DCC: variants seen among roughly 807,000 people sequenced by gnomAD.
DCC encodes the protein netrin receptor DCC.
A neutral mutation model predicts 172.5 loss-of-function variants in DCC; 58 were observed. The ratio of observed to expected loss-of-function variants is 0.34; its 90% CI spans 0.27 to 0.42. DCC has a LOEUF of 0.42. Among genes scored for constraint, DCC ranks in the 10% least tolerant of loss-of-function variants. The pLI is 1.00. For missense variants in DCC, 1,740 were observed against 1,791.0 expected (o/e 0.97, Z 0.51); for synonymous variants, 709 against 644.5 (o/e 1.10, Z -1.52).
chr18:52,646,662 T>G (rs971015984), intron 1 of DCC, among the ~76,000 whole-genome samples: 1 of 152,108 alleles, frequency 6.6e-6, no homozygotes, highest in Non-Finnish European at 1.5e-5. Flanking sequence ...TTATAAAAGA[T>G]AAAGATGAAT....
chr18:52,877,262 C>T lies in DCC; in HGVS notation c.413-28782C>T, dbSNP rs566830593. On this transcript the variant is annotated intron_variant, in intron 2 of 28. Coordinates refer to ENST00000442544, the MANE Select transcript of DCC (RefSeq NM_005215.4). ...CCACTTACCAAACACCTATTACAAG[C>T]CCGTCCCTTGTTGTCACAACTGAAA... Among the ~76,000 whole-genome samples the T allele has an allele frequency of 3.3e-5, 5 of 152,232 alleles. No homozygotes were observed. In the East Asian group the frequency reaches 9.7e-4, roughly 29 times the overall value.
chr18:53,114,496 A>G (rs1345664997), intron 7 of DCC, among the ~76,000 whole-genome samples: 1 of 151,592 alleles, frequency 6.6e-6, no homozygotes, highest in Non-Finnish European at 1.5e-5. Flanking sequence ...TAGCTTCAGC[A>G]TATTTTAAAA....
chr18:52,569,813 G>GA (rs2033251027), intron 1 of DCC, among the ~76,000 whole-genome samples: 1 of 152,144 alleles, frequency 6.6e-6, no homozygotes, highest in Non-Finnish European at 1.5e-5. Flanking sequence ...TGTGGGCTAT[G>GA]AAAAATATAA....
chr18:52,621,161 T>C (rs1895366411), intron 1 of DCC, among the ~76,000 whole-genome samples: 1 of 152,260 alleles, frequency 6.6e-6, no homozygotes, highest in African/African-American at 2.4e-5. Flanking sequence ...CTGCTTTTTA[T>C]GTTTAACTTG....
intron 5 of DCC, among the ~76,000 whole-genome samples, chr18:53,010,925 A>T (rs913059923): frequency 6.6e-6 from 1 of 151,232 alleles, no homozygotes; most frequent in African/African-American, 2.4e-5. Flanking sequence ...TATCATAATT[A>T]TTTTAGGGTA....
chr18:52,549,088 G>A (rs1000684634), intron 1 of DCC, among the ~76,000 whole-genome samples: 9 of 151,712 alleles, frequency 5.9e-5, no homozygotes, highest in African/African-American at 2.2e-4. Context: ...TTCTGATATG[G>A]GACTCTGAAT....
intron 3 of DCC, among the ~76,000 whole-genome samples, chr18:52,914,734 C>G (rs1281141039): frequency 6.6e-6 from 1 of 152,062 alleles, no homozygotes; most frequent in Non-Finnish European, 1.5e-5. Context: ...GCTCACGGTA[C>G]CTGCTGAATA....
At chr18:53,397,192 C>A in intron 17 of DCC, 116 bp from the exon 18 acceptor site, 2 of 917,200 alleles carry the variant, frequency 2.2e-6, no homozygotes, top group Non-Finnish European at 3.5e-6. Context: ...TACTCCTCTG[C>A]TGTTTGGGAG....
At chr18:53,118,301 T>C (rs987929935) in intron 7 of DCC, among the ~76,000 whole-genome samples, 1 of 151,828 alleles carries the variant, frequency 6.6e-6, no homozygotes, top group African/African-American at 2.4e-5. Flanking sequence ...AATTGTAATA[T>C]ATATTTTGAC....
chr18:52,896,169 C>T (rs915307167), intron 2 of DCC, among the ~76,000 whole-genome samples: 2 of 152,132 alleles, frequency 1.3e-5, no homozygotes, highest in Non-Finnish European at 2.9e-5. Flanking sequence ...TGTTAATTAT[C>T]ATTTTAAGAG....
chr18:52,345,299 G>T (rs73955611), intron 1 of DCC, among the ~76,000 whole-genome samples: 1 of 152,124 alleles, frequency 6.6e-6, no homozygotes, highest in Admixed American at 6.5e-5. Context: ...GAAAAGTACT[G>T]TACTCCCTAA....
At chr18:52,659,887 C>T (rs989000595) in intron 1 of DCC, among the ~76,000 whole-genome samples, 1 of 151,940 alleles carries the variant, frequency 6.6e-6, no homozygotes, top group Non-Finnish European at 1.5e-5. Context: ...AGGATTATAA[C>T]ATTCATATAG....
At chr18:53,250,013 G>C (rs1463120686) in intron 12 of DCC, among the ~76,000 whole-genome samples, 3 of 151,954 alleles carry the variant, frequency 2.0e-5, no homozygotes, top group South Asian at 2.1e-4. Context: ...TGAAAATAAG[G>C]CTCTTCGTGA....
chr18:53,530,566 G>A lies in DCC; in HGVS notation c.4257G>A (p.Val1419=), dbSNP rs147285034. ...CTTGGCTCTCATTCTCTTTATAGGT[G>A]TATGAACAGGATGATCTGAGTGAAC... ...SHKPTEDSAN[V]YEQDDLSEQM... is the part of the protein sequence containing the mutation. Residue 1419 remains valine, a splice_region_variant and synonymous_variant, in exon 29 of 29, where the codon GTG becomes GTA. Coordinates refer to ENST00000442544, the MANE Select transcript of DCC (RefSeq NM_005215.4). 1.4e-4 allele frequency: 218 copies of A among 1,528,014 alleles called. No individual in the cohort carries two copies. The highest frequency in any genetic ancestry group is 1.9e-4 in the Non-Finnish European group (207 of 1,101,788). 94.7% of individuals were successfully genotyped at this position (1,528,014 alleles called of 1,614,324 possible). A position where few individuals can be genotyped will look rare whatever the true frequency, so the allele number is the denominator to read the frequency against.
At chr18:52,814,115 C>T (rs530416567) in intron 2 of DCC, among the ~76,000 whole-genome samples, 1 of 152,186 alleles carries the variant, frequency 6.6e-6, no homozygotes, top group African/African-American at 2.4e-5. Flanking sequence ...GTACCCTGTT[C>T]TTTCATTCTC....
At chr18:52,995,133 A>G (rs1454427876) in intron 5 of DCC, among the ~76,000 whole-genome samples, 1 of 152,166 alleles carries the variant, frequency 6.6e-6, no homozygotes, top group East Asian at 1.9e-4. Flanking sequence ...ACATGAATTT[A>G]ATAGGTTATC....
At chr18:52,632,738 C>T (rs1173323730) in intron 1 of DCC, among the ~76,000 whole-genome samples, 1 of 152,172 alleles carries the variant, frequency 6.6e-6, no homozygotes, top group Non-Finnish European at 1.5e-5. Context: ...TGCTAATGAT[C>T]CTTATAACTG....
intron 27 of DCC, among the ~76,000 whole-genome samples, chr18:53,512,893 T>A (rs1219986360): frequency 6.6e-6 from 1 of 152,152 alleles, no homozygotes; most frequent in Admixed American, 6.5e-5. Flanking sequence ...CTCTGCAGGA[T>A]ATTATCCAGG....
At chr18:53,182,515 A>G (rs1196564457) in intron 9 of DCC, among the ~76,000 whole-genome samples, 2 of 152,222 alleles carry the variant, frequency 1.3e-5, no homozygotes, top group East Asian at 3.8e-4. Flanking sequence ...TACATGTGCA[A>G]GAGAGTTAGC....
Sources: gnomAD v4.1 joint callset for allele counts (sites outside exome capture counted in the v4.1 genomes callset) on GRCh38, gnomAD v4.1.1 for gene constraint, MANE v1.5 for transcripts, NCBI Gene and HGNC (gene_info 2026-07-23, HGNC 2026-07-21) for gene names.